The following CPAMD8 variants were observed in gnomAD, a reference collection of about 807,000 sequenced individuals.
CPAMD8 encodes C3 and PZP-like alpha-2-macroglobulin domain-containing protein 8.
A neutral mutation model predicts 224.7 loss-of-function variants in CPAMD8; 146 were observed. The ratio of observed to expected loss-of-function variants is 0.65; its 90% CI spans 0.57 to 0.75. The LOEUF is 0.75. CPAMD8 is among the 30% of genes least tolerant of loss of function. CPAMD8 has a pLI of 0.00. For synonymous variants in CPAMD8, 966 were observed against 1,044.6 expected, an observed-to-expected ratio of 0.92 and a Z score of 1.45; for missense variants, 2,301 against 2,537.5, an observed-to-expected ratio of 0.91 and a Z score of 2.00.
intron 32 of CPAMD8, 50 bp downstream of exon 32, chr19:16,904,176 A>AGCCCCCCCCCCCCCCCCCCCCTC: frequency 1.1e-6 from 1 of 937,340 alleles, no homozygotes; most frequent in Non-Finnish European, 1.7e-6. Context: ...GACTGCAGGG[A>AGCCCCCCCCCCCCCCCCCCCCTC]CCCCACCCAC....
At position 16,914,640 on chromosome 19, in the gene CPAMD8, C is replaced by T. The variant is rs775768880; in HGVS notation, c.3786+17G>A. 6.2e-7 allele frequency: 1 copy of T among 1,613,856 alleles called. No individual in the cohort carries two copies. Among genetic ancestry groups the T allele is most frequent in the South Asian group, 1.1e-5 (1 of 91,082 alleles). ...GGAGGTGAGGGGCCCGGGAAGGAGG[C>T]TCAAGGGGCCACTCACCTGGATGTC... On this transcript the variant is annotated intron_variant, in intron 28 of 41. Transcript: ENST00000443236.
rs2051823984 is a variant in CPAMD8 at position 16,893,124 on chromosome 19, G to A, written c.5642C>T (p.Thr1881Ile). Residue 1881 changes from threonine (T) to isoleucine (I), a missense_variant, in exon 42 of 42, where the codon ACC becomes ATC. Physicochemically the swap from Thr to Ile is moderately conservative, Grantham distance 89. Coordinates refer to ENST00000443236, the MANE Select transcript of CPAMD8 (RefSeq NM_015692.5). ...GTTGTAGGATTATCTCAAGGTGCAG[G>A]TGTTTGACATCCATAAACCCTCCTC... The part of the protein sequence containing the change: ...GGEEGLWMSN[T>I]CTLR 1.4e-6 allele frequency: 2 copies of A among 1,445,892 alleles called. No individual in the cohort carries two copies. The highest frequency in any genetic ancestry group is 1.9e-6 in the Non-Finnish European group (2 of 1,028,360). 89.6% of individuals were successfully genotyped at this position (1,445,892 alleles called of 1,614,324 possible). A position where few individuals can be genotyped will look rare whatever the true frequency, so the allele number is the denominator to read the frequency against.
intron 13 of CPAMD8, among the ~76,000 whole-genome samples, chr19:16,981,208 A>G (rs1304744138): frequency 6.6e-6 from 1 of 151,922 alleles, no homozygotes; most frequent in Non-Finnish European, 1.5e-5. Flanking sequence ...ACACACACAT[A>G]AAATTGGCCA....
At chr19:16,904,704 G>T in intron 30 of CPAMD8, 152 bp from the exon 31 acceptor site, 1 of 651,466 alleles carries the variant, frequency 1.5e-6, no homozygotes, top group Non-Finnish European at 2.8e-6. Flanking sequence ...AACAGGAAGG[G>T]CCTTGGGGCT....
chr19:16,969,434 T>G (rs542858266), intron 18 of CPAMD8, among the ~76,000 whole-genome samples: 14 of 152,242 alleles, frequency 9.2e-5, no homozygotes, highest in African/African-American at 3.4e-4. Context: ...CACAGAATAA[T>G]CCTACCCTGC....
chr19:16,904,525 T>C lies in CPAMD8; in HGVS notation c.4055A>G (p.Asn1352Ser), dbSNP rs922471072. The C allele has an allele frequency of 2.5e-6, 4 of 1,613,968 alleles. No individual in the cohort carries two copies. The Middle Eastern group carries it at 4.9e-4, about 200-fold the overall frequency. Reference protein sequence around the residue: ...RDGVTHWSLSNSWDVDKGTFL... With the variant: ...RDGVTHWSLSSSWDVDKGTFL... Reference sequence around the variant, plus strand: ...TGTGCCCTTGTCCACGTCCCAGGAATTTGACAGGCTCCAGTGGGTGACCCC... The same window carrying C: ...TGTGCCCTTGTCCACGTCCCAGGAACTTGACAGGCTCCAGTGGGTGACCCC... Residue 1352 changes from asparagine to serine, a missense_variant, in exon 31 of 42, where the codon AAT (asparagine) becomes AGT (serine). By Grantham distance (46) the Asn-to-Ser change is conservative (BLOSUM62 1). Around this residue, in one of 4 missense-constraint regions of CPAMD8, gnomAD observed 1,709 missense variants for 1,753.2 expected, o/e 0.97. Coordinates refer to ENST00000443236, the MANE Select transcript of CPAMD8 (RefSeq NM_015692.5).
chr19:16,906,407 T>TTTCTTTCTTTCC (rs1196710399), intron 30 of CPAMD8, among the ~76,000 whole-genome samples: 59 of 69,850 alleles, frequency 8.4e-4, no homozygotes, highest in African/African-American at 1.2e-3. Flanking sequence ...TCTTTCTTTC[T>TTTCTTTCTTTCC]TTCCTTCCTT....
intron 13 of CPAMD8, among the ~76,000 whole-genome samples, chr19:16,984,660 T>C (rs1437330268): frequency 6.6e-6 from 1 of 152,224 alleles, no homozygotes; most frequent in African/African-American, 2.4e-5. Context: ...TGAGGGCTAG[T>C]ATCCAGAATT....
intron 6 of CPAMD8, among the ~76,000 whole-genome samples, chr19:17,008,949 A>C (rs2056571604): frequency 6.6e-6 from 1 of 151,966 alleles, no homozygotes; most frequent in Admixed American, 6.6e-5. Flanking sequence ...AAAAAAAATT[A>C]GCTGGGTGTG....
chr19:16,981,343 AGAGT>A (rs2055508301), intron 13 of CPAMD8, among the ~76,000 whole-genome samples: 1 of 151,976 alleles, frequency 6.6e-6, no homozygotes, highest in Non-Finnish European at 1.5e-5. Context: ...CCTGGGTAAC[AGAGT>A]GAGACCCTGT....
chr19:17,009,327 T>G lies in CPAMD8; in HGVS notation c.487-7A>C. On this transcript the variant is annotated splice_polypyrimidine_tract_variant and splice_region_variant and intron_variant, in intron 5 of 41. Coordinates refer to ENST00000443236, the MANE Select transcript of CPAMD8 (RefSeq NM_015692.5). Reference sequence around the variant, plus strand: ...CCAGGATGTAGGCTTCCAGCTGTAATGAAGACACAGATGCAGTGAGCAAAT... The same window carrying G: ...CCAGGATGTAGGCTTCCAGCTGTAAGGAAGACACAGATGCAGTGAGCAAAT... 1.2e-6 allele frequency: 2 copies of G among 1,614,076 alleles called. No homozygotes were observed. Among genetic ancestry groups the G allele is most frequent in the South Asian group, 2.2e-5 (2 of 91,082 alleles).
chr19:16,975,298 T>C, intron 16 of CPAMD8, 40 bp from the exon 17 acceptor site: 2 of 1,558,054 alleles, frequency 1.3e-6, no homozygotes, highest in Non-Finnish European at 1.7e-6. Context: ...AGCTGAAGTT[T>C]TCTTTACAAC....
At chr19:16,918,973 T>G (rs1599698852) in intron 27 of CPAMD8, among the ~76,000 whole-genome samples, 1 of 151,760 alleles carries the variant, frequency 6.6e-6, no homozygotes, top group African/African-American at 2.4e-5. Context: ...GAGGCTGAGG[T>G]GGGCAGATCA....
At chr19:16,901,574 T>A (rs2052259992) in intron 35 of CPAMD8, among the ~76,000 whole-genome samples, 2 of 152,186 alleles carry the variant, frequency 1.3e-5, no homozygotes, top group Non-Finnish European at 2.9e-5. Flanking sequence ...TGGACTTCAC[T>A]CTGTGTCCCC....
chr19:16,892,965 G>A lies in CPAMD8; in HGVS notation c.*143C>T. The A allele has an allele frequency of 2.6e-6, 2 of 764,476 alleles. No homozygotes were observed. The highest frequency in any genetic ancestry group is 2.4e-5 in the East Asian group (1 of 41,122). The allele number at this position is 764,476 out of a possible 1,614,324, so 47.4% of individuals were successfully genotyped here. A position where few individuals can be genotyped will look rare whatever the true frequency, so the allele number is the denominator to read the frequency against. On this transcript the variant is annotated 3_prime_UTR_variant, in exon 42 of 42. Coordinates refer to ENST00000443236, the MANE Select transcript of CPAMD8 (RefSeq NM_015692.5). ...ACCCCAGAACATGTGAGTAAGATCA[G>A]TAACGTGTATTCTTGTCAATATCCT... is the stretch of plus-strand genomic sequence containing the variant.
chr19:16,897,145 T>C (rs1440125838), intron 39 of CPAMD8, among the ~76,000 whole-genome samples: 1 of 81,866 alleles, frequency 1.2e-5, no homozygotes, highest in Non-Finnish European at 2.3e-5. Flanking sequence ...CCCTCAGCGC[T>C]GACCGCACCC....
At chr19:16,904,791 C>A (rs2052405243) in intron 30 of CPAMD8, among the ~76,000 whole-genome samples, 1 of 152,176 alleles carries the variant, frequency 6.6e-6, no homozygotes, top group Non-Finnish European at 1.5e-5. Flanking sequence ...CAATGGCTAC[C>A]CAACCTTACC....
chr19:16,926,780 G>T (rs772424423), intron 25 of CPAMD8, among the ~76,000 whole-genome samples: 1 of 152,004 alleles, frequency 6.6e-6, no homozygotes, highest in Non-Finnish European at 1.5e-5. Flanking sequence ...CCCAGACGTC[G>T]CCTCCTCTCC....
At position 16,904,449 on chromosome 19, in the gene CPAMD8, G is replaced by T; in HGVS notation, c.4114+17C>A. 1 of 1,613,608 alleles carries T rather than the reference G, an allele frequency of 6.2e-7. No homozygotes were observed. On this transcript the variant is annotated intron_variant, in intron 31 of 41. Coordinates refer to ENST00000443236, the MANE Select transcript of CPAMD8 (RefSeq NM_015692.5). Reference sequence around the variant, plus strand: ...GTATGGCCAAGGCAGGCACCCGGGAGCTGGGGTGGCCAGTACCTGACTGAG... The same window carrying T: ...GTATGGCCAAGGCAGGCACCCGGGATCTGGGGTGGCCAGTACCTGACTGAG...
Sources: allele counts gnomAD v4.1 joint callset (sites outside exome capture counted in the v4.1 genomes callset), GRCh38; gene constraint gnomAD v4.1.1; regional missense constraint gnomAD v4.1.1; transcripts MANE v1.5; gene names NCBI Gene and HGNC (gene_info 2026-07-23, HGNC 2026-07-21).